Variants in LTBP1 observed in about 807,000 individuals in gnomAD.
LTBP1 encodes latent-transforming growth factor beta-binding protein 1.
A neutral mutation model predicts 207.6 loss-of-function variants in LTBP1; 129 were observed. The observed-to-expected ratio is 0.62, with a 90% CI of 0.54 to 0.72. The LOEUF is 0.72. Among genes scored for constraint, LTBP1 ranks in the 30% least tolerant of loss-of-function variants. The pLI is 0.00. For synonymous variants in LTBP1, 963 were observed against 833.7 expected (o/e 1.16, Z -2.67); for missense variants, 2,281 against 2,217.2 (o/e 1.03, Z -0.58).
intron 5 of LTBP1, among the ~76,000 whole-genome samples, chr2:33,156,203 C>T (rs1337519042): frequency 1.3e-5 from 2 of 152,182 alleles, no homozygotes; most frequent in African/African-American, 4.8e-5. Context: ...GACCACAGAG[C>T]AAGCAGGTAG....
chr2:32,981,953 A>G (rs944001212), intron 2 of LTBP1, among the ~76,000 whole-genome samples: 6 of 152,224 alleles, frequency 3.9e-5, no homozygotes, highest in African/African-American at 1.4e-4. Context: ...AAATGGACTA[A>G]TACAGTAAAT....
chr2:33,164,401 C>T (rs2084743957), intron 5 of LTBP1, among the ~76,000 whole-genome samples: 1 of 124,750 alleles, frequency 8.0e-6, no homozygotes. Context: ...AATGGCCCAA[C>T]TATGAATAAA....
chr2:33,209,022 C>G (rs911414452), intron 7 of LTBP1, among the ~76,000 whole-genome samples: 2 of 152,022 alleles, frequency 1.3e-5, no homozygotes, highest in Non-Finnish European at 2.9e-5. Flanking sequence ...CGCCCGCCAC[C>G]AAGCTTGGCT....
At chr2:33,117,413 A>G (rs218190) in intron 4 of LTBP1, among the ~76,000 whole-genome samples, 151,073 of 152,270 alleles carry the variant, frequency 0.99, 74,951 homozygotes, top group East Asian at 1. Context: ...GGAAGTTCAC[A>G]TGTCTGGAGC....
chr2:33,305,044 T>C (rs1284829159), intron 22 of LTBP1, among the ~76,000 whole-genome samples: 1 of 152,212 alleles, frequency 6.6e-6, no homozygotes, highest in Non-Finnish European at 1.5e-5. Flanking sequence ...CTGGGTGCAG[T>C]GGCTCACGCC....
chr2:33,329,226 A>G (rs2094465771), intron 24 of LTBP1, among the ~76,000 whole-genome samples: 2 of 152,140 alleles, frequency 1.3e-5, no homozygotes, highest in Non-Finnish European at 2.9e-5. Flanking sequence ...GTATCTCATT[A>G]TGGTCTCAAT....
Position 33,262,741 on chromosome 2 carries a change from A to C in LTBP1, c.2438A>C (p.Gln813Pro). The stretch of plus-strand genomic sequence containing the variant: ...ATCCAGGAAATACCTTCATTGGATC[A>C]AGAGAAAACCAAACTTGAGCCTGGT... ...PPEKEIPSLD[Q>P]EKTKLEPGQP... The change falls in exon 14 of 34, where the codon CAA becomes CCA. Residue 813 changes from glutamine (Q) to proline (P), a missense_variant. Gln to Pro is a moderately conservative substitution (Grantham distance 76). This residue lies in a region of LTBP1 where 1,671 missense variants were observed against 1,634.8 expected (regional missense o/e 1.02). Coordinates refer to ENST00000404816, the MANE Select transcript of LTBP1 (RefSeq NM_206943.4). 6.2e-7 allele frequency: 1 copy of C among 1,601,792 alleles called. No homozygotes were observed. The highest frequency in any genetic ancestry group is 8.5e-7 in the Non-Finnish European group (1 of 1,172,258).
intron 25 of LTBP1, among the ~76,000 whole-genome samples, chr2:33,345,167 C>G (rs1219982409): frequency 1.3e-5 from 2 of 152,232 alleles, no homozygotes; most frequent in African/African-American, 4.8e-5. Flanking sequence ...ACCTACTCAT[C>G]CTTCAGCTAT....
chr2:33,330,336 TCTGGTAAGCATA>T (rs1306772152), intron 24 of LTBP1, among the ~76,000 whole-genome samples: 1 of 152,030 alleles, frequency 6.6e-6, no homozygotes, highest in Non-Finnish European at 1.5e-5. Context: ...TTCCTTCTCT[TCTGGTAAGCATA>T]CTTTTATTTC....
At chr2:33,360,870 AC>A in intron 27 of LTBP1, 91 bp downstream of exon 27, 1 of 1,094,938 alleles carries the variant, frequency 9.1e-7, no homozygotes, top group South Asian at 1.5e-5. Flanking sequence ...CCCACAGCCA[AC>A]TCAAGGCGAC....
intron 24 of LTBP1, among the ~76,000 whole-genome samples, chr2:33,320,076 G>T (rs1182962673): frequency 1.3e-5 from 2 of 152,156 alleles, no homozygotes; most frequent in African/African-American, 2.4e-5. Context: ...ATGTTAGAAA[G>T]TGTGATAAAG....
intron 9 of LTBP1, among the ~76,000 whole-genome samples, chr2:33,234,508 C>T (rs2091945640): frequency 6.6e-6 from 1 of 152,060 alleles, no homozygotes; most frequent in Non-Finnish European, 1.5e-5. Context: ...AGGAATACAA[C>T]TTACAAGGGA....
At chr2:33,094,397 A>AT (rs2079274960) in intron 3 of LTBP1, among the ~76,000 whole-genome samples, 1 of 152,214 alleles carries the variant, frequency 6.6e-6, no homozygotes, top group Non-Finnish European at 1.5e-5. Flanking sequence ...TGTTTCTGCC[A>AT]TTGTTGACAT....
intron 22 of LTBP1, among the ~76,000 whole-genome samples, chr2:33,305,011 T>A (rs2094062416): frequency 6.6e-6 from 1 of 152,010 alleles, no homozygotes. Context: ...GTGTGGGAGA[T>A]AACGAAAAAA....
intron 3 of LTBP1, among the ~76,000 whole-genome samples, chr2:33,086,011 G>A (rs2078736278): frequency 6.6e-6 from 1 of 152,144 alleles, no homozygotes; most frequent in Admixed American, 6.5e-5. Context: ...CCCAACAGGT[G>A]GACTGAACAT....
At position 33,273,701 on chromosome 2, in the gene LTBP1, A is replaced by G; in HGVS notation, c.2663A>G (p.His888Arg). 1 of 1,611,830 alleles carries G rather than the reference A, an allele frequency of 6.2e-7. No individual in the cohort carries two copies. The highest frequency in any genetic ancestry group is 1.7e-4 in the Middle Eastern group (1 of 6,054). Residue 888 changes from histidine to arginine, a missense_variant, in exon 16 of 34, where the codon CAC becomes CGC. His to Arg is a conservative substitution (Grantham distance 29). Transcript: ENST00000404816. ...AACCCTGATATCTGTGGAGCAGGAC[A>G]CTGCATTAACCTACCAGTGAGATAT... ...TVNPDICGAG[H>R]CINLPVRYTC...
chr2:33,354,039 A>G (rs559053169), intron 26 of LTBP1, among the ~76,000 whole-genome samples: 3 of 151,844 alleles, frequency 2.0e-5, no homozygotes, highest in African/African-American at 7.3e-5. Context: ...TTGTTTTTGT[A>G]TTTTTAGTAG....
chr2:33,281,052 C>G (rs2148568821), intron 19 of LTBP1, among the ~76,000 whole-genome samples: 1 of 152,250 alleles, frequency 6.6e-6, no homozygotes, highest in Admixed American at 6.5e-5. Context: ...GCCCGAGTGA[C>G]AGTGAGACCC....
At chr2:33,298,964 C>A (rs1221725229) in intron 20 of LTBP1, among the ~76,000 whole-genome samples, 1 of 151,874 alleles carries the variant, frequency 6.6e-6, no homozygotes, top group Non-Finnish European at 1.5e-5. Context: ...AAGTTAATGC[C>A]CCATTAGAGG....
Sources: gnomAD v4.1 joint callset for allele counts (sites outside exome capture counted in the v4.1 genomes callset) on GRCh38, gnomAD v4.1.1 for gene constraint, gnomAD v4.1.1 regional missense constraint, MANE v1.5 for transcripts, NCBI Gene and HGNC (gene_info 2026-07-23, HGNC 2026-07-21) for gene names.